Variants in KCTD1 observed in about 807,000 individuals in gnomAD.
KCTD1 encodes the protein potassium channel tetramerization domain containing 1, also known as BTB/POZ domain-containing protein KCTD1.
KCTD1 carries 24 observed loss-of-function variants against 66.0 expected under a neutral mutation model. The observed-to-expected ratio is 0.36, with a 90% CI of 0.26 to 0.51. The LOEUF (loss-of-function observed/expected upper bound fraction) is 0.51. Ranked by LOEUF, KCTD1 falls within the 20% of genes least tolerant of loss-of-function variation. The pLI is 0.95. For synonymous variants in KCTD1, 511 were observed against 517.2 expected (o/e 0.99, Z 0.16); for missense variants, 943 against 1,205.2 (o/e 0.78, Z 3.22).
chr18:26,507,431 G>A (rs758116341), intron 1 of KCTD1, among the ~76,000 whole-genome samples: 1 of 152,176 alleles, frequency 6.6e-6, no homozygotes, highest in Admixed American at 6.5e-5. Flanking sequence ...ATGGAGTGGT[G>A]CTATCAGGGA....
At chr18:26,595,822 T>C (rs1217890464) in intron 1 of KCTD1, among the ~76,000 whole-genome samples, 1 of 152,210 alleles carries the variant, frequency 6.6e-6, no homozygotes, top group Non-Finnish European at 1.5e-5. Flanking sequence ...GGAGGACTGC[T>C]TGAGACCATG....
At chr18:26,508,303 T>C (rs1291807415) in intron 1 of KCTD1, among the ~76,000 whole-genome samples, 1 of 152,190 alleles carries the variant, frequency 6.6e-6, no homozygotes, top group East Asian at 1.9e-4. Context: ...AGAGGAGCAA[T>C]GATTTTTTTG....
chr18:26,606,459 C>T (rs1406606150), intron 1 of KCTD1, among the ~76,000 whole-genome samples: 2 of 152,190 alleles, frequency 1.3e-5, no homozygotes, highest in Non-Finnish European at 2.9e-5. Context: ...GATGGGTCCA[C>T]TACCCCACTC....
At chr18:26,612,078 C>A (rs1476506093) in intron 1 of KCTD1, among the ~76,000 whole-genome samples, 2 of 152,116 alleles carry the variant, frequency 1.3e-5, no homozygotes, top group Non-Finnish European at 2.9e-5. Context: ...GGCACGGTTT[C>A]CTCTTATTCT....
At chr18:26,519,219 G>A (rs1189268672) in intron 1 of KCTD1, among the ~76,000 whole-genome samples, 1 of 152,102 alleles carries the variant, frequency 6.6e-6, no homozygotes, top group African/African-American at 2.4e-5. Context: ...CTTTAATGAT[G>A]GTCTTAGATA....
rs899319576 is a variant in KCTD1, at chr18:26,650,177, G to T, written c.9+7183C>A. Among the ~76,000 whole-genome samples, 47 of 152,146 alleles carry T rather than the reference G, an allele frequency of 3.1e-4. 1 individual carries two copies. The highest frequency in any genetic ancestry group is 1.5e-4 in the Non-Finnish European group (10 of 68,030). ...AAATTTGATCTGTTCCCAAATGATT[G>T]ATCTAATTGGTTAGAAAAAGCCCAT... On this transcript the variant is annotated intron_variant, in intron 1 of 4. Transcript: ENST00000580191.
intron 1 of KCTD1, among the ~76,000 whole-genome samples, chr18:26,604,480 T>C (rs1789268163): frequency 6.6e-6 from 1 of 152,192 alleles, no homozygotes; most frequent in Non-Finnish European, 1.5e-5. Flanking sequence ...TGCAGGACTA[T>C]TCACAATAGC....
intron 1 of KCTD1, chr18:26,599,902 G>A: frequency 6.4e-7 from 1 of 1,559,438 alleles, no homozygotes; most frequent in South Asian, 1.1e-5. Context: ...GCAAAACTTT[G>A]AAGTGGGTTC....
At chr18:26,569,725 G>T (rs1986060362) in intron 1 of KCTD1, among the ~76,000 whole-genome samples, 1 of 152,124 alleles carries the variant, frequency 6.6e-6, no homozygotes, top group African/African-American at 2.4e-5. Context: ...TGAAATACCT[G>T]CTCTAACTTG....
intron 1 of KCTD1, among the ~76,000 whole-genome samples, chr18:26,565,485 C>T (rs1432217914): frequency 2.0e-5 from 3 of 152,208 alleles, no homozygotes; most frequent in African/African-American, 7.2e-5. Flanking sequence ...ATAAACCCAT[C>T]AAGAATGCCC....
At chr18:26,635,893 C>A (rs184337343) in intron 1 of KCTD1, among the ~76,000 whole-genome samples, 270 of 152,228 alleles carry the variant, frequency 1.8e-3, no homozygotes, top group African/African-American at 6.1e-3. Context: ...ATGAAGCCCC[C>A]CAACCAAAGA....
intron 1 of KCTD1, among the ~76,000 whole-genome samples, chr18:26,580,553 TATC>T (rs772663577): frequency 2.6e-5 from 4 of 152,154 alleles, no homozygotes; most frequent in African/African-American, 4.8e-5. Flanking sequence ...TTACTATTGT[TATC>T]ACCTCTGTCA....
chr18:26,580,714 CCTAT>C lies in KCTD1; in HGVS notation c.-16+48429_-16+48432del, dbSNP rs1986332953. 3.3e-5 allele frequency among the ~76,000 whole-genome samples: 5 copies of C among 152,148 alleles called. No homozygotes were observed. The South Asian group carries it at 1.0e-3, about 32-fold the overall frequency. ...CCATGGCCTGCAGCTAATCCGGCCCCCTATCTATTTTTGTAGGGCCCATGGGCTA... is the reference window on the plus strand; with the variant it reads ...CCATGGCCTGCAGCTAATCCGGCCCCCTATTTTTGTAGGGCCCATGGGCTA... On this transcript the variant is annotated intron_variant, in intron 1 of 4. Coordinates refer to the KCTD1 transcript ENST00000317932.
chr18:26,597,151 G>T (rs1259747335), intron 1 of KCTD1, among the ~76,000 whole-genome samples: 1 of 152,104 alleles, frequency 6.6e-6, no homozygotes, highest in African/African-American at 2.4e-5. Flanking sequence ...GGGGAAACTG[G>T]CTCAGGTCAC....
In KCTD1 at chr18:26,467,681, G is replaced by C. The variant is rs1165674191; in HGVS notation, c.2134-7756C>G. The stretch of plus-strand genomic sequence containing the variant: ...AATACAAAAGTTAGCTGGGCATGGT[G>C]GGGGGTGCCTGTAATCCCAGCTACT... On this transcript the variant is annotated intron_variant, in intron 3 of 4. Transcript: ENST00000580059. 2.6e-5 allele frequency among the ~76,000 whole-genome samples: 4 copies of C among 152,092 alleles called. No individual in the cohort carries two copies. In the East Asian group the frequency reaches 5.8e-4, roughly 22 times the overall value.
upstream of KCTD1, among the ~76,000 whole-genome samples, chr18:26,631,721 C>CA (rs1361472639): frequency 3.3e-5 from 5 of 152,144 alleles, no homozygotes; most frequent in African/African-American, 1.2e-4. Flanking sequence ...AAAATATTCC[C>CA]AAAAAACCCT....
At chr18:26,586,293 A>G (rs1279222739) in intron 1 of KCTD1, among the ~76,000 whole-genome samples, 2 of 152,106 alleles carry the variant, frequency 1.3e-5, no homozygotes, top group African/African-American at 4.8e-5. Context: ...GTGATCAATG[A>G]CTTGATATTA....
chr18:26,455,679 G>T lies in KCTD1; in HGVS notation c.*64C>A. 1 of 1,602,618 alleles carries T rather than the reference G, an allele frequency of 6.2e-7. No individual in the cohort carries two copies. The highest frequency in any genetic ancestry group is 8.5e-7 in the Non-Finnish European group (1 of 1,173,240). ...TTTGCTGTCCCAACTGCACATAAAT[G>T]TCCCTTTTTTGTTTGAGTTATTGGT... On this transcript the variant is annotated 3_prime_UTR_variant, in exon 5 of 5. Coordinates refer to ENST00000580059, the MANE Select transcript of KCTD1 (RefSeq NM_001142730.3).
rs149497961 is a variant in KCTD1, at chr18:26,468,905, C to A, written c.2133+7610G>T. Among the ~76,000 whole-genome samples, 9 of 152,268 alleles carry A rather than the reference C, an allele frequency of 5.9e-5. No homozygotes were observed. The South Asian group carries it at 1.9e-3, about 32-fold the overall frequency. On this transcript the variant is annotated intron_variant, in intron 3 of 4. Transcript: ENST00000580059. This position sits in a 1 kb window ranked among gnomAD's most constrained non-coding sequence, Gnocchi z 4.8. Reference sequence around the variant, plus strand: ...TCCCAGGTTCAAGAGAAAACTCTGACGAGGAAGAAAGCACCAATAGTACTG... The same window carrying A: ...TCCCAGGTTCAAGAGAAAACTCTGAAGAGGAAGAAAGCACCAATAGTACTG...
Sources: gnomAD v4.1 joint callset for allele counts (sites outside exome capture counted in the v4.1 genomes callset) on GRCh38, gnomAD v4.1.1 for gene constraint, Gnocchi (gnomAD v3.1) non-coding constraint, MANE v1.5 for transcripts, NCBI Gene and HGNC (gene_info 2026-07-23, HGNC 2026-07-21) for gene names.